Variants in WDR44 observed in about 807,000 individuals in gnomAD.
WDR44 encodes the protein WD repeat-containing protein 44.
WDR44 carries 9 observed loss-of-function variants against 65.7 expected under a neutral mutation model. That is an observed-to-expected ratio of 0.14 (90% confidence interval 0.08 to 0.24). The LOEUF is 0.24. WDR44 is among the 10% of genes least tolerant of loss of function. The probability of loss-of-function intolerance (pLI) is 1.00; values close to 1 mark genes in which losing one functional copy is unlikely to be tolerated. For missense variants in WDR44, 425 were observed against 670.9 expected (o/e 0.63, Z 4.05); for synonymous variants, 220 against 235.2 (o/e 0.94, Z 0.59).
chrX:118,403,382 C>T (rs1256585245), intron 8 of WDR44, among the ~76,000 whole-genome samples: 1 of 111,429 alleles, frequency 9.0e-6, no homozygotes, highest in East Asian at 2.8e-4. Context: ...CAGAAATAAC[C>T]ACACATGCAA....
chrX:118,422,432 T>TG (rs1225333174), intron 12 of WDR44, among the ~76,000 whole-genome samples: 1 of 110,317 alleles, frequency 9.1e-6, no homozygotes, highest in Non-Finnish European at 1.9e-5. Context: ...GGCTCATGCC[T>TG]GTAATCCTAG....
chrX:118,384,313 T>G (rs1415419897), intron 2 of WDR44, among the ~76,000 whole-genome samples: 1 of 111,800 alleles, frequency 8.9e-6, no homozygotes, highest in East Asian at 2.8e-4. Flanking sequence ...CTCATGGAGC[T>G]TACATTCTAG....
Position 118,346,220 on chromosome X carries a change from T to C in WDR44, c.-284T>C, listed in dbSNP as rs762224085. On this transcript the variant is annotated 5_prime_UTR_variant, in exon 1 of 20. Coordinates refer to ENST00000254029, the MANE Select transcript of WDR44 (RefSeq NM_019045.5). ...CCTTACTGCGAGGAGCCACCGCCTC[T>C]TTCGCGCTCCTTATACACCTATCAC... 6.4e-6 allele frequency: 2 copies of C among 313,895 alleles called. No homozygotes were observed. The highest frequency in any genetic ancestry group is 1.1e-5 in the Non-Finnish European group (2 of 180,178). The allele number at this position is 313,895 out of a possible 1,213,427, so 25.9% of individuals were successfully genotyped here.
At chrX:118,409,766 G>A (rs2147720563) in intron 11 of WDR44, 139 bp downstream of exon 11, 1 of 581,793 alleles carries the variant, frequency 1.7e-6, no homozygotes, top group East Asian at 3.9e-5. Flanking sequence ...TAAGACAGAC[G>A]TCAGTGGCAA....
chrX:118,410,608 T>A (rs1020018800), intron 11 of WDR44, among the ~76,000 whole-genome samples: 3 of 111,841 alleles, frequency 2.7e-5, no homozygotes, highest in Non-Finnish European at 3.8e-5. Context: ...TCTTGCTACT[T>A]GTCATGATTA....
At chrX:118,355,678 C>A (rs762372136) in intron 1 of WDR44, among the ~76,000 whole-genome samples, 1 of 111,747 alleles carries the variant, frequency 8.9e-6, no homozygotes, top group East Asian at 2.8e-4. Context: ...CCAGCATAGT[C>A]CACAGTTATG....
At chrX:118,377,144 G>A (rs2056667821) in intron 1 of WDR44, among the ~76,000 whole-genome samples, 1 of 111,227 alleles carries the variant, frequency 9.0e-6, no homozygotes, top group African/African-American at 3.3e-5. Flanking sequence ...GATTGCTTGA[G>A]CCCAAGAGTT....
intron 12 of WDR44, among the ~76,000 whole-genome samples, chrX:118,419,458 T>A (rs1569377236): frequency 9.2e-6 from 1 of 109,034 alleles, no homozygotes; most frequent in African/African-American, 3.4e-5. Context: ...GTTTCCCCAG[T>A]GGGGGTGTGT....
intron 1 of WDR44, among the ~76,000 whole-genome samples, chrX:118,375,730 C>T (rs1406483928): frequency 9.0e-6 from 1 of 111,276 alleles, no homozygotes; most frequent in African/African-American, 3.3e-5. Context: ...AAATAATTAG[C>T]AATATATGTT....
intron 8 of WDR44, among the ~76,000 whole-genome samples, chrX:118,402,435 CAAAAAAAA>C (rs758497932): frequency 0.044 from 638 of 14,422 alleles, 13 homozygotes; most frequent in African/African-American, 0.26. Context: ...AACTCTGTCT[CAAAAAAAA>C]AAAAAAAAAA....
chrX:118,386,377 T>TG (rs778468252), intron 2 of WDR44: 1 of 362,222 alleles, frequency 2.8e-6, no homozygotes, highest in Non-Finnish European at 5.4e-6. Flanking sequence ...CCAGCAGAAA[T>TG]GCAGTATCCA....
chrX:118,362,091 A>G (rs1463565530), intron 1 of WDR44, among the ~76,000 whole-genome samples: 1 of 112,226 alleles, frequency 8.9e-6, no homozygotes, highest in African/African-American at 3.2e-5. Flanking sequence ...ATTCAAATCT[A>G]GGAGCTATTA....
At chrX:118,352,318 T>TTATATATATATATATATATATA (rs1234642278) in intron 1 of WDR44, among the ~76,000 whole-genome samples, 10 of 16,868 alleles carry the variant, frequency 5.9e-4, no homozygotes, top group Non-Finnish European at 8.5e-4. Context: ...CCCAGCTAAT[T>TTATATATATATATATATATATA]TATATATATA....
At chrX:118,444,316 G>A (rs753094529) in intron 18 of WDR44, 44 bp from the exon 19 acceptor site, 2 of 1,178,958 alleles carry the variant, frequency 1.7e-6, no homozygotes, top group South Asian at 3.8e-5. Context: ...TGTTTGTCTT[G>A]GTATCCAATT....
chrX:118,418,991 C>T (rs1361877694), intron 12 of WDR44, among the ~76,000 whole-genome samples: 1 of 110,616 alleles, frequency 9.0e-6, no homozygotes, highest in Non-Finnish European at 1.9e-5. Context: ...CAGGCCTCAC[C>T]CAGCTCCCAC....
Position 118,392,630 on chromosome X carries a change from A to C in WDR44, c.187-2A>C. On this transcript the variant is annotated splice_acceptor_variant, in intron 3 of 19. Transcript: ENST00000254029. LOFTEE classifies it high-confidence loss of function. ...AAAAACTACTTTTAACCCTTTCATC[A>C]GATTATTGAAAGTATTATTGAGGAG... 8.5e-7 allele frequency: 1 copy of C among 1,180,868 alleles called. No individual in the cohort carries two copies. Among genetic ancestry groups the C allele is most frequent in the East Asian group, 3.0e-5 (1 of 33,501 alleles).
intron 1 of WDR44, 73 bp from the exon 2 acceptor site, chrX:118,378,345 TG>T (rs1205338680): frequency 1.2e-6 from 1 of 822,874 alleles, no homozygotes; most frequent in African/African-American, 2.1e-5. Flanking sequence ...TGGACTTGTC[TG>T]TAGTAAGTGT....
chrX:118,427,505 C>T (rs191132242), intron 12 of WDR44, among the ~76,000 whole-genome samples: 18 of 108,778 alleles, frequency 1.7e-4, no homozygotes, highest in Admixed American at 5.0e-4. Flanking sequence ...CTCCTGACCT[C>T]GTGATCTGCC....
At chrX:118,434,977 T>C (rs2057242343) in intron 13 of WDR44, among the ~76,000 whole-genome samples, 1 of 111,810 alleles carries the variant, frequency 8.9e-6, no homozygotes, top group Non-Finnish European at 1.9e-5. Context: ...CTGTGACCTA[T>C]CTAAAATCAC....
Sources: allele counts gnomAD v4.1 joint callset (sites outside exome capture counted in the v4.1 genomes callset), GRCh38; gene constraint gnomAD v4.1.1; transcripts MANE v1.5; gene names NCBI Gene and HGNC (gene_info 2026-07-23, HGNC 2026-07-21).